Variants in ATM observed in about 807,000 individuals in gnomAD.
The protein encoded by ATM is ATM serine/threonine kinase.
A neutral mutation model predicts 387.0 loss-of-function variants in ATM; 308 were observed. The ratio of observed to expected loss-of-function variants is 0.80; its 90% CI spans 0.73 to 0.87. ATM has a LOEUF of 0.87. Among genes scored for constraint, ATM ranks in the 40% least tolerant of loss-of-function variants. The pLI is 0.00. For synonymous variants in ATM, 1,156 were observed against 1,187.3 expected, an observed-to-expected ratio of 0.97 and a Z score of 0.54; for missense variants, 3,312 against 3,560.9, an observed-to-expected ratio of 0.93 and a Z score of 1.78.
intron 31 of ATM, among the ~76,000 whole-genome samples, chr11:108,294,711 G>A (rs1213582585): frequency 6.6e-6 from 1 of 152,192 alleles, no homozygotes; most frequent in Non-Finnish European, 1.5e-5. Context: ...CTGCACTCTA[G>A]CCTTGGTGAC....
In ATM at chr11:108,267,230, TAATGGA is replaced by T. The variant is rs956305036; in HGVS notation, c.2530_2535del (p.Gly844_Asn845del). On this transcript the variant is annotated inframe_deletion, in exon 17 of 63. Transcript: ENST00000675843. Reference sequence around the variant, plus strand: ...AAGTAGAATCAATGGAAGATGATACTAATGGAAATCTAATGGAGGTGGAGGATCAGT... The same window carrying T: ...AAGTAGAATCAATGGAAGATGATACTAATCTAATGGAGGTGGAGGATCAGT... The T allele has an allele frequency of 2.5e-6, 4 of 1,614,016 alleles. No individual in the cohort carries two copies. The highest frequency in any genetic ancestry group is 3.4e-6 in the Non-Finnish European group (4 of 1,179,980).
At chr11:108,331,834 AT>A (rs1433326450) in intron 51 of ATM, 44 bp from the exon 52 acceptor site, 11 of 1,591,420 alleles carry the variant, frequency 6.9e-6, no homozygotes, top group African/African-American at 2.7e-5. Flanking sequence ...TATGGATTAT[AT>A]TTTTTTGTTT....
chr11:108,284,251 A>C lies in ATM; in HGVS notation c.3771A>C (p.Pro1257=), dbSNP rs1057523320. The C allele has an allele frequency of 1.2e-6, 2 of 1,611,178 alleles. No homozygotes were observed. The highest frequency in any genetic ancestry group is 1.3e-5 in the African/African-American group (1 of 74,856). The part of the protein sequence containing the change: ...FYRSCYKVLI[P]HLVIRSHFDE... Reference sequence around the variant, plus strand: ...GATCTTGTTATAAGGTTTTGATTCCACATCTGGTGATTAGAAGTCATTTTG... The same window carrying C: ...GATCTTGTTATAAGGTTTTGATTCCCCATCTGGTGATTAGAAGTCATTTTG... The change falls in exon 26 of 63, where the codon CCA becomes CCC. Residue 1257 remains proline, a synonymous_variant. Transcript: ENST00000675843.
intron 49 of ATM, among the ~76,000 whole-genome samples, chr11:108,329,903 T>C (rs2086075373): frequency 6.6e-6 from 1 of 152,242 alleles, no homozygotes. Context: ...TTACAAAAGT[T>C]ACCTATTTTG....
In ATM at chr11:108,369,053, T is replaced by TA. The variant is rs1322185912; in HGVS notation, c.*3546dup. 1 of 175,392 alleles carries TA rather than the reference T, an allele frequency of 5.7e-6. No homozygotes were observed. Among genetic ancestry groups the TA allele is most frequent in the African/African-American group, 2.4e-5 (1 of 42,194 alleles). 10.9% of individuals were successfully genotyped at this position (175,392 alleles called of 1,614,324 possible). Reference sequence around the variant, plus strand: ...ACTATTGAATGTATTACTTTACTGTTACCTGAATTTATTATAAAGTGTTTT... The same window carrying TA: ...ACTATTGAATGTATTACTTTACTGTTAACCTGAATTTATTATAAAGTGTTTT... On this transcript the variant is annotated 3_prime_UTR_variant, in exon 63 of 63. Transcript: ENST00000675843.
At chr11:108,259,191 A>G in intron 16 of ATM, 116 bp downstream of exon 16, 2 of 954,500 alleles carry the variant, frequency 2.1e-6, no homozygotes, top group Non-Finnish European at 3.2e-6. Context: ...TAACATTTTT[A>G]CAAATGTGGA....
intron 1 of ATM, chr11:108,225,991 C>T (rs2078718007): frequency 6.6e-6 from 1 of 152,004 alleles, no homozygotes; most frequent in African/African-American, 2.4e-5. Context: ...TACCTTTTTA[C>T]TTCTTGAGAT....
intron 4 of ATM, among the ~76,000 whole-genome samples, chr11:108,234,675 T>C (rs764540338): frequency 1.2e-4 from 18 of 151,582 alleles, no homozygotes; most frequent in Non-Finnish European, 2.4e-4. Flanking sequence ...TCTGTCTCTA[T>C]GAAAAATTTA....
intron 42 of ATM, among the ~76,000 whole-genome samples, chr11:108,317,118 A>T (rs2084735548): frequency 6.7e-6 from 1 of 149,652 alleles, no homozygotes; most frequent in Non-Finnish European, 1.5e-5. Context: ...AAAAAAAAAA[A>T]TTGTAGAGAC....
At chr11:108,319,712 A>G (rs2085048473) in intron 43 of ATM, among the ~76,000 whole-genome samples, 1 of 152,236 alleles carries the variant, frequency 6.6e-6, no homozygotes. Flanking sequence ...TTTATTGAAT[A>G]AATAAATGAA....
intron 28 of ATM, 148 bp from the exon 29 acceptor site, chr11:108,289,454 A>T (rs2082663446): frequency 1.4e-6 from 1 of 704,534 alleles, no homozygotes; most frequent in Non-Finnish European, 2.2e-6. Flanking sequence ...TGTACTTGAT[A>T]TCAAACCCAA....
At position 108,288,987 on chromosome 11, in the gene ATM, C is replaced by T. The variant is rs749215545; in HGVS notation, c.4120C>T (p.Pro1374Ser). 3 of 1,613,568 alleles carry T rather than the reference C, an allele frequency of 1.9e-6. No individual in the cohort carries two copies. Among genetic ancestry groups the T allele is most frequent in the African/African-American group, 1.3e-5 (1 of 75,012 alleles). The change falls in exon 28 of 63, where the codon CCT becomes TCT. Residue 1374 changes from proline to serine, a missense_variant. Coordinates refer to ENST00000675843, the MANE Select transcript of ATM (RefSeq NM_000051.4). ...DLCDFSGDLD[P>S]APNPPHFPSH... is the part of the protein sequence containing the mutation. ...CCTTAACTCTGTTAGGGATTTGGAT[C>T]CTGCTCCTAATCCACCTCATTTTCC... is the stretch of plus-strand genomic sequence containing the variant.
At chr11:108,267,068 T>G (rs2081293382) in intron 16 of ATM, 103 bp from the exon 17 acceptor site, 1 of 1,201,186 alleles carries the variant, frequency 8.3e-7, no homozygotes, top group Non-Finnish European at 1.2e-6. Flanking sequence ...ATTGCTGAGA[T>G]TACAGATGTG....
At chr11:108,343,864 C>A (rs2087930938) in intron 57 of ATM, among the ~76,000 whole-genome samples, 1 of 152,184 alleles carries the variant, frequency 6.6e-6, no homozygotes, top group Non-Finnish European at 1.5e-5. Context: ...CCTTCTGAGA[C>A]ATTTACAATG....
intron 37 of ATM, among the ~76,000 whole-genome samples, chr11:108,306,191 A>C (rs897052098): frequency 6.6e-6 from 1 of 152,190 alleles, no homozygotes; most frequent in Admixed American, 6.5e-5. Flanking sequence ...TTACAAATCT[A>C]CTATTTGGAA....
In ATM at chr11:108,292,631, C is replaced by T. The variant is rs786203726; in HGVS notation, c.4449C>T (p.Ile1483=). The change falls in exon 30 of 63, where the codon ATC becomes ATT. Residue 1483 remains isoleucine (I), a synonymous_variant. Coordinates refer to ENST00000675843, the MANE Select transcript of ATM (RefSeq NM_000051.4). ...IHYINQRPSC[I]MDVSLRSFSL... is the part of the protein sequence containing the mutation. ...CTCCCTATATTAGGCCTTCTTGTAT[C>T]ATGGATGTGTCATTACGTAGCTTCT... is the stretch of plus-strand genomic sequence containing the variant. The T allele has an allele frequency of 6.2e-6, 10 of 1,613,224 alleles. No homozygotes were observed. In the African/African-American group the frequency reaches 1.1e-4, roughly 17 times the overall value.
At chr11:108,286,208 G>A (rs1439227650) in intron 26 of ATM, among the ~76,000 whole-genome samples, 1 of 150,348 alleles carries the variant, frequency 6.7e-6, no homozygotes, top group Non-Finnish European at 1.5e-5. Context: ...AGCTGTTTGG[G>A]AAGCTGAGTC....
chr11:108,229,518 T>G lies in ATM; in HGVS notation c.331+195T>G, dbSNP rs568653507. On this transcript the variant is annotated intron_variant, in intron 4 of 62. Transcript: ENST00000675843. ...AGGTTTTTTTTTAGGGCTAGTCAAG[T>G]GAAGCAGTGGGAGTTTAGAAGGAAC... 14 of 539,526 alleles carry G rather than the reference T, an allele frequency of 2.6e-5. No homozygotes were observed. The East Asian group carries it at 4.2e-4, about 16-fold the overall frequency. The allele number at this position is 539,526 out of a possible 1,614,324, so 33.4% of individuals were successfully genotyped here.
chr11:108,229,213 G>A lies in ATM; in HGVS notation c.221G>A (p.Cys74Tyr), dbSNP rs864622515. Residue 74 changes from cysteine to tyrosine, a missense_variant, in exon 4 of 63, where the codon TGT becomes TAT. Cys to Tyr is a radical substitution (Grantham distance 194). Coordinates refer to ENST00000675843, the MANE Select transcript of ATM (RefSeq NM_000051.4). The part of the protein sequence containing the change: ...LQKYIQKETE[C>Y]LRIAKPNVSA... ...AAATATATTCAGAAAGAAACAGAATGTCTGAGAATAGCAAAACCAAATGTA... is the reference window on the plus strand; with the variant it reads ...AAATATATTCAGAAAGAAACAGAATATCTGAGAATAGCAAAACCAAATGTA... 4.3e-6 allele frequency: 7 copies of A among 1,613,380 alleles called. No individual in the cohort carries two copies. The highest frequency in any genetic ancestry group is 5.9e-6 in the Non-Finnish European group (7 of 1,179,660).
Sources: allele counts gnomAD v4.1 joint callset (sites outside exome capture counted in the v4.1 genomes callset), GRCh38; gene constraint gnomAD v4.1.1; transcripts MANE v1.5; gene names NCBI Gene and HGNC (gene_info 2026-07-23, HGNC 2026-07-21).